Variants in LRP1B observed in about 807,000 individuals in gnomAD.
LRP1B encodes the protein LDL receptor related protein 1B.
A neutral mutation model predicts 556.6 loss-of-function variants in LRP1B; 217 were observed. The observed-to-expected ratio is 0.39, with a 90% CI of 0.35 to 0.44. LRP1B has a LOEUF of 0.44. Ranked by LOEUF, LRP1B falls within the 20% of genes least tolerant of loss-of-function variation. LRP1B has a pLI of 1.00. For synonymous variants in LRP1B, 2,047 were observed against 1,865.8 expected (o/e 1.10, Z -2.50); for missense variants, 5,053 against 5,620.8 (o/e 0.90, Z 3.23).
chr2:141,793,157 T>C (rs1695679114), intron 2 of LRP1B, among the ~76,000 whole-genome samples: 1 of 152,026 alleles, frequency 6.6e-6, no homozygotes, highest in South Asian at 2.1e-4. Context: ...ATCTTTTTGC[T>C]GATTAAAATA....
chr2:141,213,515 C>A (rs1421007274), intron 6 of LRP1B, among the ~76,000 whole-genome samples: 1 of 152,088 alleles, frequency 6.6e-6, no homozygotes, highest in African/African-American at 2.4e-5. Context: ...AGTGGCACAG[C>A]TTTGGGACAT....
At chr2:141,722,781 A>G (rs941949804) in intron 2 of LRP1B, among the ~76,000 whole-genome samples, 1 of 140,888 alleles carries the variant, frequency 7.1e-6, no homozygotes, top group African/African-American at 2.6e-5. Flanking sequence ...TAGATAGATC[A>G]ATCTATCACC....
At chr2:140,884,886 G>A (rs1693588056) in intron 24 of LRP1B, among the ~76,000 whole-genome samples, 1 of 151,996 alleles carries the variant, frequency 6.6e-6, no homozygotes, top group Non-Finnish European at 1.5e-5. Flanking sequence ...CTAATTCTTT[G>A]TATTTTTGGT....
rs181988117 is a variant in LRP1B at position 141,698,872 on chromosome 2, C to A, written c.205+111407G>T. ...CTCCTAATGAAATTATTATGAAGGTCTGTGGCTGGGCTCAATATGTTGTAG... is the reference window on the plus strand; with the variant it reads ...CTCCTAATGAAATTATTATGAAGGTATGTGGCTGGGCTCAATATGTTGTAG... On this transcript the variant is annotated intron_variant, in intron 2 of 90. Transcript: ENST00000389484. 3.4e-3 allele frequency among the ~76,000 whole-genome samples: 513 copies of A among 151,934 alleles called. 1 individual carries two copies. The highest frequency in any genetic ancestry group is 6.0e-3 in the Non-Finnish European group (409 of 67,880).
At chr2:141,577,012 T>C (rs1400271889) in intron 2 of LRP1B, among the ~76,000 whole-genome samples, 1 of 152,024 alleles carries the variant, frequency 6.6e-6, no homozygotes, top group Non-Finnish European at 1.5e-5. Context: ...TATTACATTA[T>C]TTTTCCAATT....
intron 2 of LRP1B, among the ~76,000 whole-genome samples, chr2:141,623,931 C>T (rs1317127138): frequency 1.4e-5 from 2 of 148,084 alleles, no homozygotes; most frequent in Non-Finnish European, 3.0e-5. Context: ...AGGATAATTG[C>T]TTGAACCCAG....
In LRP1B at chr2:141,354,622, C is replaced by T. The variant is rs80203377; in HGVS notation, c.344-99981G>A. 4.2e-3 allele frequency among the ~76,000 whole-genome samples: 641 copies of T among 151,742 alleles called. 5 individuals are homozygous for T. The highest frequency in any genetic ancestry group is 7.6e-3 in the Non-Finnish European group (513 of 67,918). On this transcript the variant is annotated intron_variant, in intron 3 of 90. Transcript: ENST00000389484. ...TGTAGGCATTATTTCCTAAAACGACCGAGGAGGAAAAAAGTCTGTTAATAT... is the reference window on the plus strand; with the variant it reads ...TGTAGGCATTATTTCCTAAAACGACTGAGGAGGAAAAAAGTCTGTTAATAT...
intron 21 of LRP1B, among the ~76,000 whole-genome samples, chr2:140,916,604 G>A (rs1694586121): frequency 6.6e-6 from 1 of 152,124 alleles, no homozygotes; most frequent in African/African-American, 2.4e-5. Context: ...ATTTCAAAAT[G>A]TATGTTGCTT....
At chr2:140,535,104 A>G (rs1013266571) in intron 46 of LRP1B, among the ~76,000 whole-genome samples, 4 of 152,162 alleles carry the variant, frequency 2.6e-5, no homozygotes, top group South Asian at 2.1e-4. Flanking sequence ...AAGGATGGTA[A>G]ATAATAAACA....
At chr2:141,439,414 G>A (rs947688610) in intron 3 of LRP1B, among the ~76,000 whole-genome samples, 6 of 151,578 alleles carry the variant, frequency 4.0e-5, no homozygotes, top group Non-Finnish European at 8.8e-5. Flanking sequence ...TTTAGAACTA[G>A]AATCAATAAC....
chr2:140,514,801 A>G (rs1166040171), intron 50 of LRP1B, 29 bp from the exon 51 acceptor site: 4 of 1,596,702 alleles, frequency 2.5e-6, no homozygotes, highest in Admixed American at 1.7e-5. Context: ...GAAAAAAAAA[A>G]ATAGTTTGAG....
Position 141,361,754 on chromosome 2 carries a change from C to T in LRP1B, c.344-107113G>A, listed in dbSNP as rs16845934. 4.6e-5 allele frequency among the ~76,000 whole-genome samples: 7 copies of T among 152,224 alleles called. No homozygotes were observed. The South Asian group carries it at 6.2e-4, about 14-fold the overall frequency. Reference sequence around the variant, plus strand: ...TAATGTGAAGTTATCTGAAGAAGAACGCTGTTCAGTCCTTCAGAAAAGTCT... The same window carrying T: ...TAATGTGAAGTTATCTGAAGAAGAATGCTGTTCAGTCCTTCAGAAAAGTCT... On this transcript the variant is annotated intron_variant, in intron 3 of 90. Transcript: ENST00000389484.
chr2:142,047,693 G>A lies in LRP1B; in HGVS notation c.82+82955C>T, dbSNP rs368085088. 2.6e-5 allele frequency among the ~76,000 whole-genome samples: 4 copies of A among 151,820 alleles called. No homozygotes were observed. In the East Asian group the frequency reaches 7.8e-4, roughly 30 times the overall value. On this transcript the variant is annotated intron_variant, in intron 1 of 90. Transcript: ENST00000389484. ...GGTGTGGCCATGTGAATGACTTCTG[G>A]CCTATGGATTGTGAGTGGACGTGAT...
chr2:141,866,471 T>C (rs541677625), intron 1 of LRP1B, among the ~76,000 whole-genome samples: 8 of 152,352 alleles, frequency 5.3e-5, no homozygotes, highest in African/African-American at 1.9e-4. Context: ...AGTCTTCATA[T>C]ACATTTACCT....
intron 41 of LRP1B, among the ~76,000 whole-genome samples, chr2:140,629,754 G>T (rs192558544): frequency 1.4e-3 from 214 of 152,276 alleles, no homozygotes; most frequent in African/African-American, 5.0e-3. Context: ...ATGTGAATCT[G>T]CACAGATATT....
intron 3 of LRP1B, among the ~76,000 whole-genome samples, chr2:141,427,334 G>C (rs1046048038): frequency 1.3e-5 from 2 of 152,122 alleles, no homozygotes; most frequent in African/African-American, 4.8e-5. Context: ...CAAGTCAGCA[G>C]TTCATTTTAG....
Position 141,571,289 on chromosome 2 carries a change from C to T in LRP1B, c.206-90756G>A, listed in dbSNP as rs1686519320. 1.3e-5 allele frequency among the ~76,000 whole-genome samples: 2 copies of T among 150,664 alleles called. 1 individual carries two copies. ...TCAGATGAATAGGGCCTGAAGTGAA[C>T]CCCCAGCAAACTGCAGCAGCCCTAC... On this transcript the variant is annotated intron_variant, in intron 2 of 90. Coordinates refer to ENST00000389484, the MANE Select transcript of LRP1B (RefSeq NM_018557.3).
chr2:141,944,632 A>AAT (rs1290553827), intron 1 of LRP1B, among the ~76,000 whole-genome samples: 5 of 152,142 alleles, frequency 3.3e-5, no homozygotes, highest in East Asian at 3.9e-4. Flanking sequence ...ATCCAAAGAA[A>AAT]ATATATATAT....
At chr2:140,967,887 A>T (rs1213764342) in intron 18 of LRP1B, among the ~76,000 whole-genome samples, 1 of 151,778 alleles carries the variant, frequency 6.6e-6, no homozygotes, top group Non-Finnish European at 1.5e-5. Flanking sequence ...CCCAGGGATG[A>T]AGCCCACTTG....
Sources: allele counts gnomAD v4.1 joint callset (sites outside exome capture counted in the v4.1 genomes callset), GRCh38; gene constraint gnomAD v4.1.1; transcripts MANE v1.5; gene names NCBI Gene and HGNC (gene_info 2026-07-23, HGNC 2026-07-21).